The following CCR3 variants were observed in gnomAD, a reference collection of about 807,000 sequenced individuals.
CCR3 encodes C-C chemokine receptor type 3.
For synonymous variants in CCR3, 203 were observed against 179.2 expected, an observed-to-expected ratio of 1.13 and a Z score of -1.06; for missense variants, 419 against 437.5, an observed-to-expected ratio of 0.96 and a Z score of 0.38.
chr3:46,247,918 CTG>C (rs1216909193), intron 1 of CCR3, among the ~76,000 whole-genome samples: 1 of 152,056 alleles, frequency 6.6e-6, no homozygotes, highest in Non-Finnish European at 1.5e-5. Flanking sequence ...AGATGGAACA[CTG>C]AGAAGTGATT....
rs796792031 is a variant in CCR3, at chr3:46,233,054, A to C, written c.-67-9348A>C. ...CACCATGTTGGCCAGGCTGGTCTCGAACTCCTGACCTCGTGATCCACGTGT... is the reference window on the plus strand; with the variant it reads ...CACCATGTTGGCCAGGCTGGTCTCGCACTCCTGACCTCGTGATCCACGTGT... On this transcript the variant is annotated intron_variant, in intron 2 of 3. Transcript: ENST00000357422. Among the ~76,000 whole-genome samples, 30 of 152,292 alleles carry C rather than the reference A, an allele frequency of 2.0e-4. No individual in the cohort carries two copies. In the East Asian group the frequency reaches 4.8e-3, roughly 24 times the overall value.
Position 46,255,635 on chromosome 3 carries a change from C to T in CCR3, c.-11-9513C>T, listed in dbSNP as rs576430367. The stretch of plus-strand genomic sequence containing the variant: ...ACATGGCTAGCCAATTATCCCAGCA[C>T]CATTTGTTGAATAGGGTGTCCTTTC... On this transcript the variant is annotated intron_variant, in intron 1 of 1. Transcript: ENST00000395940. Among the ~76,000 whole-genome samples the T allele has an allele frequency of 5.3e-5, 8 of 152,246 alleles. No individual in the cohort carries two copies. The South Asian group carries it at 1.7e-3, about 32-fold the overall frequency.
At chr3:46,216,693 GT>G (rs1699779254) in intron 2 of CCR3, among the ~76,000 whole-genome samples, 2 of 152,246 alleles carry the variant, frequency 1.3e-5, no homozygotes, top group East Asian at 3.9e-4. Context: ...AGATGTTGGG[GT>G]CCTATCTTTT....
At position 46,262,634 on chromosome 3, in the gene CCR3, A is replaced by AT. The variant is rs560901487; in HGVS notation, c.-11-2508dup. Among the ~76,000 whole-genome samples the AT allele has an allele frequency of 2.2e-4, 33 of 152,044 alleles. 1 individual carries two copies. Among genetic ancestry groups the AT allele is most frequent in the Admixed American group, 1.7e-3 (26 of 15,284 alleles). ...AGGTGAAAACCATATCAGGTTTTTAATTTTTTAATTTTTAATTATTTATTT... is the reference window on the plus strand; with the variant it reads ...AGGTGAAAACCATATCAGGTTTTTAATTTTTTTAATTTTTAATTATTTATTT... On this transcript the variant is annotated intron_variant, in intron 1 of 1. Coordinates refer to ENST00000395940, the MANE Select transcript of CCR3 (RefSeq NM_178329.3).
At chr3:46,262,653 T>A (rs529095536) in intron 1 of CCR3, among the ~76,000 whole-genome samples, 24 of 151,774 alleles carry the variant, frequency 1.6e-4, no homozygotes, top group Admixed American at 5.2e-4. Context: ...TTTTTAATTA[T>A]TTATTTATTT....
At chr3:46,250,603 G>C (rs1700287743) in intron 1 of CCR3, among the ~76,000 whole-genome samples, 1 of 152,154 alleles carries the variant, frequency 6.6e-6, no homozygotes, top group South Asian at 2.1e-4. Flanking sequence ...GCCATTTAGA[G>C]CCATTGTCAA....
Sources: gnomAD v4.1 joint callset for allele counts (sites outside exome capture counted in the v4.1 genomes callset) on GRCh38, gnomAD v4.1.1 for gene constraint, MANE v1.5 for transcripts, NCBI Gene and HGNC (gene_info 2026-07-23, HGNC 2026-07-21) for gene names.